Variants in PCDH15 observed in about 807,000 individuals in gnomAD.
PCDH15 encodes protocadherin related 15.
PCDH15 carries 129 observed loss-of-function variants against 178.5 expected under a neutral mutation model. The ratio of observed to expected loss-of-function variants is 0.72; its 90% CI spans 0.63 to 0.84. PCDH15 has a LOEUF of 0.84. Ranked by LOEUF, PCDH15 falls within the 40% of genes least tolerant of loss-of-function variation. The pLI is 0.00. For synonymous variants in PCDH15, 800 were observed against 732.0 expected (o/e 1.09, Z -1.50); for missense variants, 2,230 against 2,099.9 (o/e 1.06, Z -1.21).
intron 1 of PCDH15, among the ~76,000 whole-genome samples, chr10:54,738,955 A>G (rs1450220420): frequency 1.3e-5 from 2 of 152,032 alleles, no homozygotes; most frequent in Non-Finnish European, 2.9e-5. Context: ...CAGCTAACAT[A>G]ATACTGAATG....
intron 2 of PCDH15, among the ~76,000 whole-genome samples, chr10:54,639,890 A>G (rs1343466271): frequency 2.6e-5 from 4 of 152,206 alleles, no homozygotes; most frequent in Non-Finnish European, 5.9e-5. Context: ...CTTTCCTGAT[A>G]TATGGCACTG....
chr10:55,624,421 A>G (rs1247448448), intron 2 of PCDH15, among the ~76,000 whole-genome samples: 1 of 150,732 alleles, frequency 6.6e-6, no homozygotes, highest in African/African-American at 2.5e-5. Flanking sequence ...CGACATGTAG[A>G]TAGTTTAAAC....
At chr10:53,934,218 A>G (rs926462352) in intron 25 of PCDH15, among the ~76,000 whole-genome samples, 9 of 152,118 alleles carry the variant, frequency 5.9e-5, no homozygotes, top group African/African-American at 1.9e-4. Context: ...GGAGGGATAG[A>G]ACTTTGGGTT....
At chr10:54,729,874 G>C (rs1943097457) in intron 1 of PCDH15, among the ~76,000 whole-genome samples, 1 of 151,550 alleles carries the variant, frequency 6.6e-6, no homozygotes, top group Admixed American at 6.6e-5. Flanking sequence ...CGCTCAGAAT[G>C]ACTATTATTA....
At chr10:54,573,939 G>A (rs1169303892) in intron 2 of PCDH15, among the ~76,000 whole-genome samples, 1 of 152,160 alleles carries the variant, frequency 6.6e-6, no homozygotes, top group African/African-American at 2.4e-5. Flanking sequence ...TTTGTCAGAT[G>A]AGTAGGTTGT....
chr10:54,232,811 T>G (rs937619842), intron 9 of PCDH15, among the ~76,000 whole-genome samples: 2 of 152,150 alleles, frequency 1.3e-5, no homozygotes, highest in African/African-American at 4.8e-5. Context: ...TTGTTGATGA[T>G]TTCAAAGAAT....
intron 10 of PCDH15, 122 bp from the exon 11 acceptor site, chr10:54,196,011 A>G: frequency 1.2e-6 from 1 of 839,932 alleles, no homozygotes; most frequent in Non-Finnish European, 1.9e-6. Context: ...TAAGGAAAAA[A>G]TACGTTAAAG....
At chr10:54,917,192 T>C (rs1241039129) in intron 2 of PCDH15, among the ~76,000 whole-genome samples, 2 of 152,142 alleles carry the variant, frequency 1.3e-5, no homozygotes, top group East Asian at 3.8e-4. Flanking sequence ...CTTAGATTTG[T>C]GTGGTGGGTA....
intron 2 of PCDH15, chr10:54,600,023 C>A: frequency 7.4e-7 from 1 of 1,343,784 alleles, no homozygotes; most frequent in Non-Finnish European, 1.0e-6. Context: ...AAGTCAAAAG[C>A]AGAAGTGGGG....
At chr10:54,091,394 A>C (rs2094598406) in intron 15 of PCDH15, among the ~76,000 whole-genome samples, 1 of 152,144 alleles carries the variant, frequency 6.6e-6, no homozygotes. Flanking sequence ...GTGACTACAT[A>C]ATAACTGTCC....
At chr10:53,861,370 T>C in intron 27 of PCDH15, among the ~76,000 whole-genome samples, 1 of 152,268 alleles carries the variant, frequency 6.6e-6, no homozygotes. Flanking sequence ...TTCAAATTAC[T>C]AGGTATTGTT....
chr10:54,364,044 C>G (rs1291342056), intron 5 of PCDH15, among the ~76,000 whole-genome samples: 1 of 152,004 alleles, frequency 6.6e-6, no homozygotes, highest in Non-Finnish European at 1.5e-5. Context: ...GAAAACCCAT[C>G]TCTACTAAAA....
chr10:55,349,871 T>C (rs1301864953), intron 2 of PCDH15, among the ~76,000 whole-genome samples: 2 of 152,046 alleles, frequency 1.3e-5, no homozygotes, highest in Non-Finnish European at 2.9e-5. Flanking sequence ...ATTAAATAAG[T>C]TGAAGAGTTT....
intron 2 of PCDH15, among the ~76,000 whole-genome samples, chr10:55,127,478 C>T (rs181860348): frequency 6.6e-6 from 1 of 152,016 alleles, no homozygotes; most frequent in African/African-American, 2.4e-5. Context: ...GACTCATAAT[C>T]TTCGACTGAC....
At chr10:53,924,935 G>A (rs145051823) in intron 25 of PCDH15, among the ~76,000 whole-genome samples, 1,742 of 152,236 alleles carry the variant, frequency 0.011, 36 homozygotes, top group African/African-American at 0.04. Flanking sequence ...GAACTTTTGC[G>A]TCTAGCTCAG....
At chr10:54,344,314 T>A (rs560808338) in intron 6 of PCDH15, among the ~76,000 whole-genome samples, 1 of 152,316 alleles carries the variant, frequency 6.6e-6, no homozygotes, top group South Asian at 2.1e-4. Flanking sequence ...GTTTATCCAC[T>A]CTGTAGGGAG....
intron 3 of PCDH15, among the ~76,000 whole-genome samples, chr10:54,385,881 A>T (rs1180845614): frequency 6.6e-6 from 1 of 152,188 alleles, no homozygotes; most frequent in East Asian, 1.9e-4. Flanking sequence ...AGCCTGACGA[A>T]GTACTTTACT....
intron 1 of PCDH15, among the ~76,000 whole-genome samples, chr10:55,193,766 T>C (rs1840005795): frequency 6.6e-6 from 1 of 151,962 alleles, no homozygotes; most frequent in African/African-American, 2.4e-5. Flanking sequence ...TAACTTTTTG[T>C]GTACATGGAA....
chr10:53,930,760 T>C (rs2084988496), intron 25 of PCDH15, among the ~76,000 whole-genome samples: 1 of 152,144 alleles, frequency 6.6e-6, no homozygotes, highest in African/African-American at 2.4e-5. Context: ...TCTTCCCTAC[T>C]ACATAAACCC....
Sources: allele counts gnomAD v4.1 joint callset (sites outside exome capture counted in the v4.1 genomes callset), GRCh38; gene constraint gnomAD v4.1.1; transcripts MANE v1.5; gene names NCBI Gene and HGNC (gene_info 2026-07-23, HGNC 2026-07-21).